The following TMEM260 variants were observed in gnomAD, a reference collection of about 807,000 sequenced individuals.
The protein encoded by TMEM260 is transmembrane protein 260.
A neutral mutation model predicts 88.9 loss-of-function variants in TMEM260; 82 were observed. The ratio of observed to expected loss-of-function variants is 0.92; its 90% CI spans 0.77 to 1.11. The LOEUF is 1.11. Among genes scored for constraint, TMEM260 ranks in the 50% least tolerant of loss-of-function variants. The probability of loss-of-function intolerance (pLI) is 0.00; values close to 1 mark genes in which losing one functional copy is unlikely to be tolerated. For missense variants in TMEM260, 902 were observed against 853.4 expected (o/e 1.06, Z -0.71); for synonymous variants, 314 against 309.3 (o/e 1.02, Z -0.16).
At chr14:56,593,187 A>C (rs1389317863) in intron 3 of TMEM260, 1 of 152,246 alleles carries the variant, frequency 6.6e-6, no homozygotes, top group Admixed American at 6.5e-5. Context: ...TCTGGGTCTC[A>C]TGAATTTTGT....
At chr14:56,649,907 A>G (rs71414127), downstream of TMEM260, among the ~76,000 whole-genome samples, 1,535 of 152,286 alleles carry the variant, frequency 0.01, 18 homozygotes, top group Middle Eastern at 0.02. Flanking sequence ...ATAATGATTT[A>G]AGTTTCTAAA....
In TMEM260 at chr14:56,625,481, A is replaced by G; in HGVS notation, c.1498A>G (p.Ser500Gly). The change falls in exon 12 of 16, where the codon AGT becomes GGT. Residue 500 changes from serine (S) to glycine (G), a missense_variant. Transcript: ENST00000261556. ...GAATCCTGTGGAAGGAATATTACCTAGTGGAATGGTCACATTTAATCTTTA... is the reference window on the plus strand; with the variant it reads ...GAATCCTGTGGAAGGAATATTACCTGGTGGAATGGTCACATTTAATCTTTA... ...RWNPVEGILP[S>G]GMVTFNLYHF... 6.2e-7 allele frequency: 1 copy of G among 1,611,068 alleles called. No individual in the cohort carries two copies.
intron 10 of TMEM260, among the ~76,000 whole-genome samples, chr14:56,619,752 G>A (rs1048191423): frequency 2.6e-5 from 4 of 152,072 alleles, no homozygotes; most frequent in Non-Finnish European, 4.4e-5. Flanking sequence ...AAAAACCAAT[G>A]TTCTTACCAT....
chr14:56,659,062 C>G, the TMEM260 span, among the ~76,000 whole-genome samples: 8,414 of 152,138 alleles, frequency 0.055, 594 homozygotes, highest in African/African-American at 0.16. Context: ...GTGGTGAAAT[C>G]TGAATTTAAA....
At chr14:56,627,301 G>C (rs1392209739) in intron 12 of TMEM260, among the ~76,000 whole-genome samples, 1 of 152,024 alleles carries the variant, frequency 6.6e-6, no homozygotes, top group Non-Finnish European at 1.5e-5. Flanking sequence ...GAAGAAAACA[G>C]GGTCCTATTC....
intron 11 of TMEM260, among the ~76,000 whole-genome samples, chr14:56,622,676 CT>C (rs1238491804): frequency 2.0e-5 from 3 of 151,878 alleles, no homozygotes; most frequent in Non-Finnish European, 4.4e-5. Context: ...GGGAAGAAAC[CT>C]GTCTCTGGTG....
chr14:56,643,059 T>G lies in TMEM260; in HGVS notation c.1870-4184T>G, dbSNP rs1317293013. 2.6e-5 allele frequency among the ~76,000 whole-genome samples: 4 copies of G among 152,228 alleles called. No individual in the cohort carries two copies. In the East Asian group the frequency reaches 7.7e-4, roughly 29 times the overall value. ...CAAAAAAAGTCCAGGACCAGATGGA[T>G]TCATAGCCGAATTCTACCAGAGGTA... On this transcript the variant is annotated intron_variant, in intron 15 of 15. Transcript: ENST00000261556.
downstream of TMEM260, among the ~76,000 whole-genome samples, chr14:56,652,753 TAGAG>T (rs1272968631): frequency 6.6e-6 from 1 of 152,164 alleles, no homozygotes; most frequent in Non-Finnish European, 1.5e-5. Flanking sequence ...TGTTTTTACT[TAGAG>T]TGTCATAATT....
At chr14:56,594,662 T>C (rs1309822728) in intron 3 of TMEM260, among the ~76,000 whole-genome samples, 1 of 152,178 alleles carries the variant, frequency 6.6e-6, no homozygotes, top group Non-Finnish European at 1.5e-5. Flanking sequence ...CTTTAGACTT[T>C]ATGGATTATA....
At position 56,634,966 on chromosome 14, in the gene TMEM260, A is replaced by C. The variant is rs779963637; in HGVS notation, c.1778+14A>C. On this transcript the variant is annotated intron_variant, in intron 14 of 15. Coordinates refer to ENST00000261556, the MANE Select transcript of TMEM260 (RefSeq NM_017799.4). ...GTGGCAAGCGAGGTGACTATTCTAC[A>C]TTTTTGTGTGTGCAGTCTATTTTTA... 24 of 1,612,612 alleles carry C rather than the reference A, an allele frequency of 1.5e-5. No homozygotes were observed. In the African/African-American group the frequency reaches 2.0e-4, roughly 13 times the overall value.
chr14:56,631,820 C>G (rs1298560358), intron 12 of TMEM260, among the ~76,000 whole-genome samples: 1 of 152,174 alleles, frequency 6.6e-6, no homozygotes, highest in African/African-American at 2.4e-5. Context: ...TCACCAGTTT[C>G]AGGTGTTTCT....
chr14:56,615,116 T>A (rs1010228017), intron 7 of TMEM260, among the ~76,000 whole-genome samples: 6 of 152,328 alleles, frequency 3.9e-5, no homozygotes, highest in Middle Eastern at 3.4e-3. Flanking sequence ...TCAAGTGTAT[T>A]TGAAAATGAG....
At position 56,634,951 on chromosome 14, in the gene TMEM260, A is replaced by C. The variant is rs1331897792; in HGVS notation, c.1777A>C (p.Arg593=). Residue 593 remains arginine, a splice_region_variant and synonymous_variant, in exon 14 of 16, where the codon AGG becomes CGG. Transcript: ENST00000261556. ...SVANEEMWQA[R]MKTPFFIFNL... is the part of the protein sequence containing the mutation. ...GGCCAATGAAGAAATGTGGCAAGCGAGGTGACTATTCTACATTTTTGTGTG... is the reference window on the plus strand; with the variant it reads ...GGCCAATGAAGAAATGTGGCAAGCGCGGTGACTATTCTACATTTTTGTGTG... 1 of 1,613,828 alleles carries C rather than the reference A, an allele frequency of 6.2e-7. No homozygotes were observed. Among genetic ancestry groups the C allele is most frequent in the Non-Finnish European group, 8.5e-7 (1 of 1,179,902 alleles).
intron 7 of TMEM260, chr14:56,615,500 C>T (rs576200881): frequency 6.5e-6 from 1 of 152,738 alleles, no homozygotes; most frequent in African/African-American, 2.4e-5. Context: ...GGAATTATCT[C>T]TCATGGCCTT....
intron 3 of TMEM260, among the ~76,000 whole-genome samples, chr14:56,591,081 G>A (rs183678192): frequency 3.9e-5 from 6 of 152,308 alleles, no homozygotes; most frequent in Admixed American, 2.6e-4. Flanking sequence ...TTTAACAAAT[G>A]TCAGATTATG....
the TMEM260 span, among the ~76,000 whole-genome samples, chr14:56,663,032 G>C: frequency 3.2e-4 from 48 of 152,288 alleles, no homozygotes; most frequent in South Asian, 2.1e-3. This position sits in a 1 kb window ranked among gnomAD's most constrained non-coding sequence, Gnocchi z 4.1. Context: ...GGAAGACTGA[G>C]GCAGGAGAAT....
intron 15 of TMEM260, among the ~76,000 whole-genome samples, chr14:56,642,942 A>G (rs1295219694): frequency 1.3e-5 from 2 of 152,254 alleles, no homozygotes; most frequent in South Asian, 2.1e-4. Context: ...GGAGACATAC[A>G]CGCTCCCAAG....
intron 10 of TMEM260, 105 bp downstream of exon 10, chr14:56,618,868 C>CAA (rs1198001522): frequency 9.0e-7 from 1 of 1,116,248 alleles, no homozygotes; most frequent in African/African-American, 1.6e-5. Flanking sequence ...TTTCAAGACT[C>CAA]AAAGTGAGAC....
intron 1 of TMEM260, among the ~76,000 whole-genome samples, chr14:56,584,319 G>A (rs779803136): frequency 6.6e-6 from 1 of 152,036 alleles, no homozygotes; most frequent in Non-Finnish European, 1.5e-5. Flanking sequence ...GTCAGAAATA[G>A]TCCCTGTGCT....
Sources: gnomAD v4.1 joint callset for allele counts (sites outside exome capture counted in the v4.1 genomes callset) on GRCh38, gnomAD v4.1.1 for gene constraint, Gnocchi (gnomAD v3.1) non-coding constraint, MANE v1.5 for transcripts, NCBI Gene and HGNC (gene_info 2026-07-23, HGNC 2026-07-21) for gene names.